Variants in CERS6 observed in about 807,000 individuals in gnomAD.
The protein encoded by CERS6 is ceramide synthase 6, also known as LAG1 homolog, ceramide synthase 6.
In CERS6, 26 loss-of-function variants were observed where a neutral mutation model predicts 56.8. The observed-to-expected ratio is 0.46, with a 90% CI of 0.34 to 0.63. The LOEUF (loss-of-function observed/expected upper bound fraction) is 0.63. Among genes scored for constraint, CERS6 ranks in the 30% least tolerant of loss-of-function variants. The pLI is 0.01. For missense variants in CERS6, 415 were observed against 467.5 expected (o/e 0.89, Z 1.04); for synonymous variants, 164 against 173.3 (o/e 0.95, Z 0.42).
chr2:168,548,305 G>A (rs1695503579), intron 2 of CERS6, among the ~76,000 whole-genome samples: 1 of 152,190 alleles, frequency 6.6e-6, no homozygotes, highest in South Asian at 2.1e-4. Flanking sequence ...CAAACTAGGA[G>A]TGGGAGGAAG....
chr2:168,485,526 T>G (rs1411908115), intron 1 of CERS6, among the ~76,000 whole-genome samples: 1 of 152,180 alleles, frequency 6.6e-6, no homozygotes, highest in Non-Finnish European at 1.5e-5. Flanking sequence ...CACTGAACTT[T>G]TGGAACTACT....
intron 9 of CERS6, 59 bp from the exon 10 acceptor site, chr2:168,769,451 A>T (rs181296302): frequency 6.9e-7 from 1 of 1,444,728 alleles, no homozygotes; most frequent in Admixed American, 2.7e-5. Flanking sequence ...TGCTTCTAGC[A>T]TGCCATACCT....
At chr2:168,704,820 G>T (rs538588004) in intron 6 of CERS6, among the ~76,000 whole-genome samples, 4 of 152,218 alleles carry the variant, frequency 2.6e-5, no homozygotes, top group African/African-American at 7.2e-5. Context: ...GGATGGTCTC[G>T]ATCTCCTGAC....
chr2:168,656,144 G>A (rs1685463000), intron 4 of CERS6, among the ~76,000 whole-genome samples: 1 of 152,150 alleles, frequency 6.6e-6, no homozygotes, highest in African/African-American at 2.4e-5. Context: ...CTGCCTGGAT[G>A]GTGGCAGCCA....
At chr2:168,686,627 T>C (rs952759024) in intron 4 of CERS6, among the ~76,000 whole-genome samples, 8 of 152,102 alleles carry the variant, frequency 5.3e-5, no homozygotes, top group Admixed American at 1.3e-4. Context: ...TAATAGCTCA[T>C]TTGGGGGAAT....
chr2:168,660,369 G>A (rs965537547), intron 4 of CERS6, among the ~76,000 whole-genome samples: 8 of 152,104 alleles, frequency 5.3e-5, no homozygotes, highest in Admixed American at 4.6e-4. Context: ...ACCTAATGAG[G>A]CATTGTTTTT....
chr2:168,618,415 C>T (rs1297367158), intron 3 of CERS6, among the ~76,000 whole-genome samples: 1 of 152,076 alleles, frequency 6.6e-6, no homozygotes, highest in African/African-American at 2.4e-5. Flanking sequence ...AAAAGGCATC[C>T]AAATCAGTCA....
At chr2:168,721,923 C>T (rs1465978378) in intron 8 of CERS6, among the ~76,000 whole-genome samples, 1 of 152,138 alleles carries the variant, frequency 6.6e-6, no homozygotes, top group African/African-American at 2.4e-5. Flanking sequence ...CCCAGCCCAC[C>T]ACACTCTTTT....
intron 3 of CERS6, among the ~76,000 whole-genome samples, chr2:168,562,709 C>T (rs1006014932): frequency 1.3e-5 from 2 of 152,152 alleles, no homozygotes; most frequent in African/African-American, 2.4e-5. Context: ...AATGTATAGT[C>T]GGGTTTTATA....
At chr2:168,556,122 C>G (rs1242401575) in intron 2 of CERS6, among the ~76,000 whole-genome samples, 1 of 151,932 alleles carries the variant, frequency 6.6e-6, no homozygotes, top group Non-Finnish European at 1.5e-5. Context: ...TAAACTGTAT[C>G]AAAGCATAGA....
chr2:168,705,208 T>C (rs1314393937), intron 6 of CERS6, among the ~76,000 whole-genome samples: 1 of 152,092 alleles, frequency 6.6e-6, no homozygotes, highest in African/African-American at 2.4e-5. Context: ...ATACTTGCTT[T>C]ATAGGGTTGT....
intron 2 of CERS6, among the ~76,000 whole-genome samples, chr2:168,560,874 G>A (rs1351386127): frequency 3.3e-5 from 5 of 152,158 alleles, no homozygotes. Context: ...TGATGAGGCT[G>A]ACTCAGTTTG....
intron 9 of CERS6, among the ~76,000 whole-genome samples, chr2:168,768,103 T>C (rs2105469273): frequency 6.6e-6 from 1 of 152,336 alleles, no homozygotes; most frequent in East Asian, 1.9e-4. Flanking sequence ...GTAGGATTTT[T>C]CTCATCGTTT....
At chr2:168,682,197 A>G (rs1375608598) in intron 4 of CERS6, among the ~76,000 whole-genome samples, 4 of 152,166 alleles carry the variant, frequency 2.6e-5, no homozygotes, top group African/African-American at 9.7e-5. Context: ...TGTTTTTTGA[A>G]ATAAGACCTG....
chr2:168,516,665 G>A (rs964579702), intron 1 of CERS6, among the ~76,000 whole-genome samples: 2 of 152,132 alleles, frequency 1.3e-5, no homozygotes, highest in African/African-American at 4.8e-5. Flanking sequence ...GAGCTGTTAC[G>A]GTAAATATTC....
At chr2:168,738,359 A>C (rs948621826) in intron 8 of CERS6, among the ~76,000 whole-genome samples, 2 of 152,234 alleles carry the variant, frequency 1.3e-5, no homozygotes, top group African/African-American at 4.8e-5. Context: ...GGTGATTATT[A>C]AATGATAAAT....
chr2:168,539,572 A>G (rs1257676674), intron 1 of CERS6, among the ~76,000 whole-genome samples: 1 of 152,242 alleles, frequency 6.6e-6, no homozygotes, highest in East Asian at 1.9e-4. Flanking sequence ...AGGATTTAAC[A>G]ATATACAGTC....
intron 4 of CERS6, among the ~76,000 whole-genome samples, chr2:168,633,890 C>T (rs1684804904): frequency 6.6e-6 from 1 of 152,134 alleles, no homozygotes; most frequent in Non-Finnish European, 1.5e-5. Context: ...TCTCATAATA[C>T]CAGTGTAGTG....
intron 3 of CERS6, among the ~76,000 whole-genome samples, chr2:168,599,638 A>C (rs1414309911): frequency 3.3e-5 from 5 of 152,218 alleles, no homozygotes; most frequent in Non-Finnish European, 1.5e-5. Flanking sequence ...ATTTGTTGAC[A>C]TTCATTTGAG....
Sources: gnomAD v4.1 joint callset for allele counts (sites outside exome capture counted in the v4.1 genomes callset) on GRCh38, gnomAD v4.1.1 for gene constraint, MANE v1.5 for transcripts, NCBI Gene and HGNC (gene_info 2026-07-23, HGNC 2026-07-21) for gene names.